TTC39B: variants seen among roughly 807,000 people sequenced by gnomAD.
The protein encoded by TTC39B is tetratricopeptide repeat protein 39B.
In TTC39B, 92 loss-of-function variants were observed where a neutral mutation model predicts 96.6. The ratio of observed to expected loss-of-function variants is 0.95; its 90% CI spans 0.80 to 1.13. TTC39B has a LOEUF of 1.13. Among genes scored for constraint, TTC39B ranks in the 50% most tolerant of loss-of-function variants. The pLI, the probability that TTC39B is intolerant of heterozygous loss-of-function variation, is 0.00. For missense variants in TTC39B, 955 were observed against 809.3 expected, an observed-to-expected ratio of 1.18 and a Z score of -2.18; for synonymous variants, 367 against 299.4, an observed-to-expected ratio of 1.23 and a Z score of -2.33.
chr9:15,261,344 C>T (rs1454018336), intron 2 of TTC39B, among the ~76,000 whole-genome samples: 1 of 152,020 alleles, frequency 6.6e-6, no homozygotes, highest in Non-Finnish European at 1.5e-5. Context: ...GGCGTGATGG[C>T]ACCTGCCTAT....
At chr9:15,187,837 A>G in intron 14 of TTC39B, 134 bp downstream of exon 14, 3 of 942,808 alleles carry the variant, frequency 3.2e-6, no homozygotes, top group Non-Finnish European at 4.5e-6. Flanking sequence ...CTTAAGGCAC[A>G]TTTCCTCCTT....
chr9:15,281,416 T>G lies in TTC39B; in HGVS notation c.241-13468A>C, dbSNP rs182863326. ...ATGATTACTGCAGGGAAAAGTTGTG[T>G]GTCCAAATACTGGACCACTCATACA... is the stretch of plus-strand genomic sequence containing the variant. On this transcript the variant is annotated intron_variant, in intron 1 of 19. Coordinates refer to ENST00000512701, the Ensembl canonical transcript of TTC39B. 5.3e-5 allele frequency among the ~76,000 whole-genome samples: 8 copies of G among 152,288 alleles called. No individual in the cohort carries two copies. The East Asian group carries it at 1.5e-3, about 29-fold the overall frequency.
intron 2 of TTC39B, among the ~76,000 whole-genome samples, chr9:15,247,534 TGAACAGCATTCTG>T (rs1822333244): frequency 6.6e-6 from 1 of 152,172 alleles, no homozygotes; most frequent in African/African-American, 2.4e-5. Context: ...CTGATGTTGG[TGAACAGCATTCTG>T]GACCTAAAAT....
chr9:15,182,174 G>A (rs572631089), intron 17 of TTC39B, 133 bp downstream of exon 17: 1 of 540,860 alleles, frequency 1.8e-6, no homozygotes, highest in East Asian at 3.2e-5. Flanking sequence ...CAATCACCCA[G>A]ACCCCTGCAG....
chr9:15,203,539 G>C (rs565519170), intron 7 of TTC39B, among the ~76,000 whole-genome samples: 7 of 152,068 alleles, frequency 4.6e-5, no homozygotes, highest in African/African-American at 1.7e-4. Flanking sequence ...AGGATTACAG[G>C]CGTGAGCCAC....
Position 15,296,109 on chromosome 9 carries a change from T to C in TTC39B, c.240+10975A>G, listed in dbSNP as rs906217437. 2.3e-4 allele frequency among the ~76,000 whole-genome samples: 35 copies of C among 152,138 alleles called. 1 individual carries two copies. The highest frequency in any genetic ancestry group is 1.4e-3 in the Admixed American group (21 of 15,270). ...GGTTGTCCAGAATGCCAGGACAAAGTGGTCTGAGAAAACAGGGAGGGAAAA... is the reference window on the plus strand; with the variant it reads ...GGTTGTCCAGAATGCCAGGACAAAGCGGTCTGAGAAAACAGGGAGGGAAAA... On this transcript the variant is annotated intron_variant, in intron 1 of 19. Transcript: ENST00000512701.
exon 9 of TTC39B, chr9:15,192,634 C>G: frequency 6.2e-7 from 1 of 1,614,128 alleles, no homozygotes; most frequent in Non-Finnish European, 8.5e-7. Context: ...CCTTCAAACT[C>G]ATAGAAGAAT....
At position 15,233,875 on chromosome 9, in the gene TTC39B, G is replaced by A. The variant is rs79486114; in HGVS notation, c.276-7863C>T. On this transcript the variant is annotated intron_variant, in intron 2 of 19. Transcript: ENST00000512701. ...CTGCCCAGTCTGGAAAGTGAGGAGC[G>A]TCTCTGCCTGGCTGCCATCCCATCT... 3.5e-3 allele frequency among the ~76,000 whole-genome samples: 524 copies of A among 150,704 alleles called. 1 individual carries two copies. Among genetic ancestry groups the A allele is most frequent in the Non-Finnish European group, 6.4e-3 (431 of 67,762 alleles).
intron 2 of TTC39B, among the ~76,000 whole-genome samples, chr9:15,233,891 C>T (rs2131440039): frequency 6.6e-6 from 1 of 151,702 alleles, no homozygotes; most frequent in Middle Eastern, 3.4e-3. Context: ...GCCTGGCTGC[C>T]ATCCCATCTA....
intron 3 of TTC39B, among the ~76,000 whole-genome samples, chr9:15,219,304 C>A (rs1381809682): frequency 2.6e-5 from 4 of 152,148 alleles, no homozygotes; most frequent in African/African-American, 9.7e-5. Flanking sequence ...GGCATTACTA[C>A]AATTCTCCAG....
intron 8 of TTC39B, among the ~76,000 whole-genome samples, chr9:15,199,172 A>T (rs1819362174): frequency 6.6e-6 from 1 of 152,252 alleles, no homozygotes. Context: ...ACAACGCTAC[A>T]GCCACCTCAG....
chr9:15,302,827 A>T (rs1302704743), intron 1 of TTC39B, among the ~76,000 whole-genome samples: 2 of 140,436 alleles, frequency 1.4e-5, no homozygotes, highest in Non-Finnish European at 3.1e-5. Flanking sequence ...CTGGATGACA[A>T]GAGCAAAACT....
chr9:15,280,872 T>A (rs1587001417), intron 1 of TTC39B, among the ~76,000 whole-genome samples: 1 of 152,320 alleles, frequency 6.6e-6, no homozygotes, highest in East Asian at 1.9e-4. Flanking sequence ...GGGCTCCCCC[T>A]ACCATTCTAG....
chr9:15,243,573 G>C (rs1181959086), intron 2 of TTC39B, among the ~76,000 whole-genome samples: 1 of 152,184 alleles, frequency 6.6e-6, no homozygotes, highest in Non-Finnish European at 1.5e-5. Flanking sequence ...AGCACTCATA[G>C]TACCTGGCTT....
Position 15,291,719 on chromosome 9 carries a change from G to C in TTC39B, c.240+15365C>G, listed in dbSNP as rs115036939. 2.9e-3 allele frequency among the ~76,000 whole-genome samples: 448 copies of C among 152,184 alleles called. 1 individual carries two copies. The highest frequency in any genetic ancestry group is 0.01 in the African/African-American group (422 of 41,522). On this transcript the variant is annotated intron_variant, in intron 1 of 19. Coordinates refer to ENST00000512701, the Ensembl canonical transcript of TTC39B. ...AGTTGAACAAAAGGGACCGTCACTGGATCCAAAGTCTCAAGTAGGACAAAG... is the reference window on the plus strand; with the variant it reads ...AGTTGAACAAAAGGGACCGTCACTGCATCCAAAGTCTCAAGTAGGACAAAG...
chr9:15,216,784 C>T (rs568559013), intron 3 of TTC39B, among the ~76,000 whole-genome samples: 1 of 152,230 alleles, frequency 6.6e-6, no homozygotes, highest in Admixed American at 6.5e-5. Flanking sequence ...TAGGTTCTGG[C>T]GATACAGCAA....
At chr9:15,189,577 T>C (rs1390553733) in exon 13 of TTC39B, 1 of 1,614,016 alleles carries the variant, frequency 6.2e-7, no homozygotes, top group East Asian at 2.2e-5. Context: ...AAATTACCTC[T>C]TCAAGATTCC....
At chr9:15,238,255 G>A (rs187124300) in intron 2 of TTC39B, among the ~76,000 whole-genome samples, 171 of 152,200 alleles carry the variant, frequency 1.1e-3, no homozygotes, top group Non-Finnish European at 1.8e-3. Flanking sequence ...CTGGAAGTCC[G>A]AGCCAAAGAA....
At chr9:15,236,235 T>A (rs888348074) in intron 2 of TTC39B, among the ~76,000 whole-genome samples, 3 of 152,216 alleles carry the variant, frequency 2.0e-5, no homozygotes, top group Non-Finnish European at 4.4e-5. Context: ...GGACATTATG[T>A]ATAATGATAA....
Sources: allele counts gnomAD v4.1 joint callset (sites outside exome capture counted in the v4.1 genomes callset), GRCh38; gene constraint gnomAD v4.1.1; transcripts MANE v1.5; gene names NCBI Gene and HGNC (gene_info 2026-07-23, HGNC 2026-07-21).